The following FBXL20 variants were observed in gnomAD, a reference collection of about 807,000 sequenced individuals.
The protein encoded by FBXL20 is F-box/LRR-repeat protein 20.
FBXL20 carries 11 observed loss-of-function variants against 64.0 expected under a neutral mutation model. The observed-to-expected ratio is 0.17, with a 90% CI of 0.11 to 0.28. The LOEUF (loss-of-function observed/expected upper bound fraction) is 0.28, where lower values mean the gene tolerates loss of function less well. FBXL20 is among the 10% of genes least tolerant of loss of function. The pLI is 1.00. For synonymous variants in FBXL20, 184 were observed against 189.0 expected (o/e 0.97, Z 0.22); for missense variants, 303 against 526.2 (o/e 0.58, Z 4.15).
intron 11 of FBXL20, among the ~76,000 whole-genome samples, chr17:39,269,499 CTTT>C (rs1024012415): frequency 5.1e-5 from 6 of 116,706 alleles, no homozygotes; most frequent in Admixed American, 1.7e-4. Flanking sequence ...GGCCTTTCCT[CTTT>C]TTTTTTTTTT....
intron 1 of FBXL20, among the ~76,000 whole-genome samples, chr17:39,390,426 T>C (rs936575107): frequency 1.3e-5 from 2 of 151,990 alleles, no homozygotes; most frequent in African/African-American, 4.8e-5. Flanking sequence ...CCAGGCGTGG[T>C]GGTTGGCACC....
chr17:39,331,170 A>AT (rs903261766), intron 2 of FBXL20, among the ~76,000 whole-genome samples: 9 of 152,074 alleles, frequency 5.9e-5, no homozygotes, highest in Admixed American at 3.9e-4. Flanking sequence ...CAGTGGCATG[A>AT]TTTTTTTACA....
chr17:39,297,059 G>C, intron 6 of FBXL20, 68 bp downstream of exon 6: 1 of 1,120,578 alleles, frequency 8.9e-7, no homozygotes, highest in Non-Finnish European at 1.3e-6. Flanking sequence ...TTAATGGCCT[G>C]AATTTAAGGT....
chr17:39,313,176 CA>C (rs1427093956), intron 2 of FBXL20, among the ~76,000 whole-genome samples: 1 of 151,876 alleles, frequency 6.6e-6, no homozygotes, highest in African/African-American at 2.4e-5. Flanking sequence ...CTTGGCCTCC[CA>C]AAGTACTGGG....
At chr17:39,349,708 A>G (rs1481861737) in intron 1 of FBXL20, among the ~76,000 whole-genome samples, 2 of 152,116 alleles carry the variant, frequency 1.3e-5, no homozygotes, top group Non-Finnish European at 2.9e-5. Flanking sequence ...AGGCTGAGGC[A>G]GGCAGATCAC....
At chr17:39,374,249 C>T (rs1236404469) in intron 1 of FBXL20, among the ~76,000 whole-genome samples, 1 of 151,288 alleles carries the variant, frequency 6.6e-6, no homozygotes, top group Non-Finnish European at 1.5e-5. Context: ...AAAAAAAAGA[C>T]CAGTCGGAAT....
At chr17:39,331,321 G>A (rs527858768) in intron 2 of FBXL20, among the ~76,000 whole-genome samples, 16 of 152,044 alleles carry the variant, frequency 1.1e-4, no homozygotes, top group Admixed American at 9.2e-4. Context: ...GGCTGGTCTC[G>A]AACTCCTGGA....
chr17:39,363,479 A>G (rs954720681), intron 1 of FBXL20, among the ~76,000 whole-genome samples: 4 of 152,078 alleles, frequency 2.6e-5, no homozygotes, highest in Non-Finnish European at 5.9e-5. Flanking sequence ...CTTTACAAAT[A>G]TCTGAGTGTT....
intron 2 of FBXL20, among the ~76,000 whole-genome samples, chr17:39,324,756 G>C (rs1371394033): frequency 6.6e-6 from 1 of 152,158 alleles, no homozygotes; most frequent in African/African-American, 2.4e-5. Context: ...GGATAGAAAT[G>C]TGACAACAGT....
intron 6 of FBXL20, among the ~76,000 whole-genome samples, chr17:39,291,252 G>A (rs532252226): frequency 5.1e-4 from 77 of 151,992 alleles, no homozygotes; most frequent in Admixed American, 2.3e-3. Flanking sequence ...TAGCCACCGC[G>A]CCCGGCCACC....
chr17:39,275,825 A>G (rs927476078), intron 9 of FBXL20, among the ~76,000 whole-genome samples: 10 of 152,198 alleles, frequency 6.6e-5, no homozygotes, highest in Non-Finnish European at 1.3e-4. Flanking sequence ...TAAACTGTGG[A>G]TGACAGTTGC....
At chr17:39,315,393 T>TTTTA (rs147050998) in intron 2 of FBXL20, among the ~76,000 whole-genome samples, 3 of 134,552 alleles carry the variant, frequency 2.2e-5, no homozygotes, top group African/African-American at 8.8e-5. Context: ...TTTAAATAAT[T>TTTTA]TATATATATA....
At chr17:39,347,101 T>C (rs1253630282) in intron 1 of FBXL20, among the ~76,000 whole-genome samples, 1 of 152,240 alleles carries the variant, frequency 6.6e-6, no homozygotes, top group Non-Finnish European at 1.5e-5. Context: ...TGATGGACGT[T>C]TGGGTTGGTT....
chr17:39,310,340 G>A (rs1442576561), intron 2 of FBXL20, among the ~76,000 whole-genome samples: 16 of 151,906 alleles, frequency 1.1e-4, no homozygotes, highest in Admixed American at 1.1e-3. Flanking sequence ...ATTTGCACAT[G>A]CAATCCATGA....
intron 9 of FBXL20, among the ~76,000 whole-genome samples, chr17:39,277,938 A>G (rs541812417): frequency 1.3e-5 from 2 of 152,168 alleles, no homozygotes; most frequent in African/African-American, 4.8e-5. Flanking sequence ...CTGTACTAAG[A>G]TTTGGGTGAA....
chr17:39,338,054 A>T (rs2047545902), intron 2 of FBXL20, among the ~76,000 whole-genome samples: 1 of 152,206 alleles, frequency 6.6e-6, no homozygotes, highest in Non-Finnish European at 1.5e-5. Flanking sequence ...CAGCTCATTG[A>T]GAACGGGCCA....
intron 6 of FBXL20, among the ~76,000 whole-genome samples, chr17:39,287,962 T>A (rs1305589513): frequency 6.8e-6 from 1 of 147,472 alleles, no homozygotes; most frequent in Non-Finnish European, 1.5e-5. Flanking sequence ...AATTCTGTAA[T>A]GAAAACTTTT....
upstream of FBXL20, chr17:39,402,212 C>T (rs893740417): frequency 2.9e-5 from 36 of 1,232,174 alleles, no homozygotes; most frequent in East Asian, 9.5e-5. Flanking sequence ...GGTCCCTGCT[C>T]GGAGCCATTT....
intron 3 of FBXL20, among the ~76,000 whole-genome samples, chr17:39,301,867 G>A (rs1325578279): frequency 2.6e-5 from 4 of 152,040 alleles, no homozygotes; most frequent in Non-Finnish European, 4.4e-5. Context: ...TCCAGCCTGG[G>A]TGACACAGCA....
Sources: gnomAD v4.1 joint callset for allele counts (sites outside exome capture counted in the v4.1 genomes callset) on GRCh38, gnomAD v4.1.1 for gene constraint, MANE v1.5 for transcripts, NCBI Gene and HGNC (gene_info 2026-07-23, HGNC 2026-07-21) for gene names.